QTMAN: variants seen among roughly 807,000 people sequenced by gnomAD.
QTMAN encodes tRNA-queuosine alpha-mannosyltransferase.
At chr2:144,215,264 A>T in the QTMAN span, among the ~76,000 whole-genome samples, 3 of 146,202 alleles carry the variant, frequency 2.1e-5, no homozygotes, top group East Asian at 5.8e-4. Flanking sequence ...AAAAAAAAAT[A>T]TATATATATA....
At chr2:144,085,972 T>C in the QTMAN span, among the ~76,000 whole-genome samples, 2 of 152,172 alleles carry the variant, frequency 1.3e-5, no homozygotes, top group Non-Finnish European at 2.9e-5. Context: ...TCAAATTCAT[T>C]GACTTGAGAA....
At chr2:144,257,184 G>A in the QTMAN span, among the ~76,000 whole-genome samples, 1 of 151,204 alleles carries the variant, frequency 6.6e-6, no homozygotes, top group Non-Finnish European at 1.5e-5. Context: ...TTAAAAATCT[G>A]CCAAATTATG....
the QTMAN span, among the ~76,000 whole-genome samples, chr2:144,076,349 T>C: frequency 3.3e-5 from 5 of 152,174 alleles, no homozygotes; most frequent in African/African-American, 4.8e-5. Flanking sequence ...CTTCTTGAGA[T>C]AGGCAAGTGG....
chr2:144,314,498 G>T, the QTMAN span, among the ~76,000 whole-genome samples: 2 of 152,110 alleles, frequency 1.3e-5, no homozygotes, highest in African/African-American at 4.8e-5. Context: ...GGATCATGAG[G>T]TCAGGAGATC....
the QTMAN span, among the ~76,000 whole-genome samples, chr2:144,209,754 G>A: frequency 6.6e-6 from 1 of 151,876 alleles, no homozygotes; most frequent in South Asian, 2.1e-4. Context: ...AAGACATAGG[G>A]GAAAAACATC....
At chr2:144,057,675 A>G in the QTMAN span, among the ~76,000 whole-genome samples, 58 of 152,284 alleles carry the variant, frequency 3.8e-4, 1 homozygote, top group East Asian at 0.011. Flanking sequence ...GGAGAATTAT[A>G]ATACCTCTTC....
chr2:144,090,062 G>A, the QTMAN span, among the ~76,000 whole-genome samples: 1 of 151,900 alleles, frequency 6.6e-6, no homozygotes, highest in African/African-American at 2.4e-5. Context: ...CATTAAAAAA[G>A]CAATCGATGT....
the QTMAN span, among the ~76,000 whole-genome samples, chr2:144,054,419 A>C: frequency 2.0e-5 from 3 of 152,204 alleles, no homozygotes; most frequent in Admixed American, 6.5e-5. Flanking sequence ...CATTTAGCCC[A>C]GCTTCTCATT....
At chr2:144,162,011 T>C in the QTMAN span, among the ~76,000 whole-genome samples, 59 of 152,360 alleles carry the variant, frequency 3.9e-4, no homozygotes, top group African/African-American at 1.3e-3. Flanking sequence ...CAAAGACATT[T>C]GGACGTGGCA....
the QTMAN span, among the ~76,000 whole-genome samples, chr2:144,079,623 T>A: frequency 6.6e-6 from 1 of 152,048 alleles, no homozygotes; most frequent in African/African-American, 2.4e-5. Context: ...AGGTTAAACT[T>A]CTTTCCATTA....
At chr2:144,189,571 A>C in the QTMAN span, among the ~76,000 whole-genome samples, 1 of 152,036 alleles carries the variant, frequency 6.6e-6, no homozygotes, top group Non-Finnish European at 1.5e-5. Flanking sequence ...CCTACAGGAC[A>C]TTATAAGTAT....
chr2:144,087,584 G>T, the QTMAN span, among the ~76,000 whole-genome samples: 2 of 151,958 alleles, frequency 1.3e-5, no homozygotes, highest in East Asian at 3.9e-4. Flanking sequence ...CTAGCAAACT[G>T]AATCCAACAG....
At chr2:144,189,147 G>A in the QTMAN span, among the ~76,000 whole-genome samples, 1 of 152,238 alleles carries the variant, frequency 6.6e-6, no homozygotes, top group East Asian at 1.9e-4. Context: ...ACATATATGT[G>A]TGTATGCATA....
the QTMAN span, among the ~76,000 whole-genome samples, chr2:144,191,007 T>C: frequency 6.6e-6 from 1 of 152,170 alleles, no homozygotes; most frequent in African/African-American, 2.4e-5. Flanking sequence ...GCATAGAAAG[T>C]TCGTGTCTAA....
At chr2:143,946,293 T>C in the QTMAN span, 1 of 152,200 alleles carries the variant, frequency 6.6e-6, no homozygotes, top group African/African-American at 2.4e-5. Flanking sequence ...CTTCACTGTG[T>C]TTGTCATGTT....
chr2:144,134,100 C>CG, the QTMAN span, among the ~76,000 whole-genome samples: 3 of 152,126 alleles, frequency 2.0e-5, no homozygotes, highest in Non-Finnish European at 4.4e-5. Context: ...TGGGGAGCCA[C>CG]GGGGGCTGCC....
the QTMAN span, among the ~76,000 whole-genome samples, chr2:144,073,101 T>A: frequency 6.6e-6 from 1 of 152,114 alleles, no homozygotes; most frequent in Non-Finnish European, 1.5e-5. Context: ...AATTATCTGA[T>A]CTTTTTAAGC....
the QTMAN span, among the ~76,000 whole-genome samples, chr2:143,951,381 A>G: frequency 2.0e-5 from 3 of 151,570 alleles, no homozygotes; most frequent in Admixed American, 6.6e-5. Context: ...AAGATAACGA[A>G]TGAGGGTAGT....
chr2:144,219,784 T>A, the QTMAN span, among the ~76,000 whole-genome samples: 1 of 152,254 alleles, frequency 6.6e-6, no homozygotes, highest in East Asian at 1.9e-4. Flanking sequence ...ATCATGCCAC[T>A]GCACTCCAGC....
Sources: gnomAD v4.1 joint callset for allele counts (sites outside exome capture counted in the v4.1 genomes callset) on GRCh38, gnomAD v4.1.1 for gene constraint, MANE v1.5 for transcripts, NCBI Gene and HGNC (gene_info 2026-07-23, HGNC 2026-07-21) for gene names.